The following PTPRD variants were observed in gnomAD, a reference collection of about 807,000 sequenced individuals.
PTPRD encodes the protein receptor-type tyrosine-protein phosphatase delta.
Under a neutral mutation model 214.5 loss-of-function variants are expected in PTPRD, and 34 were observed. The ratio of observed to expected loss-of-function variants is 0.16; its 90% confidence interval spans 0.12 to 0.21. The LOEUF (loss-of-function observed/expected upper bound fraction) is 0.21, where lower values mean the gene tolerates loss of function less well. Among genes scored for constraint, PTPRD ranks in the 10% least tolerant of loss-of-function variants. The probability of loss-of-function intolerance (pLI) is 1.00; values close to 1 mark genes in which losing one functional copy is unlikely to be tolerated. For missense variants in PTPRD, 2,545 were observed against 2,398.7 expected (o/e 1.06, Z -1.27); for synonymous variants, 1,128 against 845.7 (o/e 1.33, Z -5.79).
intron 9 of PTPRD, among the ~76,000 whole-genome samples, chr9:9,385,008 A>G (rs1306257150): frequency 1.3e-5 from 2 of 152,118 alleles, no homozygotes; most frequent in East Asian, 3.8e-4. Flanking sequence ...TGAAGTATTT[A>G]TATTTTTTCT....
intron 11 of PTPRD, among the ~76,000 whole-genome samples, chr9:8,742,150 G>T (rs755506288): frequency 6.6e-6 from 1 of 152,088 alleles, no homozygotes; most frequent in Non-Finnish European, 1.5e-5. Flanking sequence ...TGTCAGTCAA[G>T]CTTTAAAATT....
Position 10,161,939 on chromosome 9 carries a change from A to T in PTPRD, c.-544-128149T>A, listed in dbSNP as rs184532800. ...ACAAATGACCAAAAGTATATTTTTTAAAAAAATGCTTAACATCACTAATCA... is the reference window on the plus strand; with the variant it reads ...ACAAATGACCAAAAGTATATTTTTTTAAAAAATGCTTAACATCACTAATCA... On this transcript the variant is annotated intron_variant, in intron 3 of 45. Transcript: ENST00000381196. Among the ~76,000 whole-genome samples, 698 of 151,732 alleles carry T rather than the reference A, an allele frequency of 4.6e-3. 11 individuals carry two copies. Among genetic ancestry groups the T allele is most frequent in the African/African-American group, 0.016 (648 of 41,504 alleles).
At chr9:9,781,628 T>A (rs1265427889) in intron 5 of PTPRD, among the ~76,000 whole-genome samples, 1 of 152,130 alleles carries the variant, frequency 6.6e-6, no homozygotes, top group Non-Finnish European at 1.5e-5. Context: ...CAACAAGTGT[T>A]TCCTTTCCCT....
chr9:10,291,028 C>CTTT (rs546852022), intron 3 of PTPRD, among the ~76,000 whole-genome samples: 2 of 130,660 alleles, frequency 1.5e-5, no homozygotes, highest in Non-Finnish European at 1.7e-5. Flanking sequence ...AGAATCTACA[C>CTTT]TTTTTTTTTT....
At chr9:9,924,852 T>C (rs769004057) in intron 5 of PTPRD, among the ~76,000 whole-genome samples, 1 of 152,142 alleles carries the variant, frequency 6.6e-6, no homozygotes, top group Non-Finnish European at 1.5e-5. Flanking sequence ...TGAAATTTGT[T>C]GCTAGTAATG....
intron 3 of PTPRD, among the ~76,000 whole-genome samples, chr9:10,106,518 G>A (rs1376190102): frequency 6.6e-6 from 1 of 150,948 alleles, no homozygotes; most frequent in Non-Finnish European, 1.5e-5. Context: ...CTGTGAAAGT[G>A]ACGGACACAC....
At chr9:9,255,492 T>C (rs1594654155) in intron 9 of PTPRD, among the ~76,000 whole-genome samples, 1 of 152,054 alleles carries the variant, frequency 6.6e-6, no homozygotes, top group East Asian at 1.9e-4. Flanking sequence ...ACCATTCCAC[T>C]AATACTGAAA....
chr9:9,781,735 C>T (rs549083019), intron 5 of PTPRD, among the ~76,000 whole-genome samples: 181 of 152,064 alleles, frequency 1.2e-3, no homozygotes, highest in Non-Finnish European at 8.8e-4. Flanking sequence ...TTACACAATC[C>T]GATTTGCTAA....
intron 3 of PTPRD, among the ~76,000 whole-genome samples, chr9:10,315,327 C>T (rs747773939): frequency 1.1e-4 from 17 of 151,786 alleles, no homozygotes; most frequent in Admixed American, 6.6e-4. Context: ...TCTAAATCAT[C>T]AGCAGAATAA....
At chr9:9,660,051 T>C (rs1179478924) in intron 7 of PTPRD, among the ~76,000 whole-genome samples, 4 of 152,088 alleles carry the variant, frequency 2.6e-5, no homozygotes, top group African/African-American at 7.2e-5. Flanking sequence ...TAACATACTT[T>C]ATTTAAATTA....
At chr9:9,847,706 T>C (rs551634068) in intron 5 of PTPRD, among the ~76,000 whole-genome samples, 2 of 152,258 alleles carry the variant, frequency 1.3e-5, no homozygotes, top group South Asian at 4.1e-4. Context: ...GCTGTTGCTC[T>C]TGACCAGGAA....
Position 8,507,318 on chromosome 9 carries a change from C to T in PTPRD, c.1660G>A (p.Gly554Arg). 1.2e-6 allele frequency: 2 copies of T among 1,613,870 alleles called. No individual in the cohort carries two copies. Among genetic ancestry groups the T allele is most frequent in the Non-Finnish European group, 1.7e-6 (2 of 1,179,826 alleles). Residue 554 changes from glycine to arginine, a missense_variant, in exon 22 of 46, where the codon GGG (glycine) becomes AGG (arginine). Physicochemically the swap from Gly to Arg is moderately radical, Grantham distance 125. Transcript: ENST00000381196. ...IANYELVYKD[G>R]EHGEEQRITI... is the part of the protein sequence containing the mutation. The stretch of plus-strand genomic sequence containing the variant: ...AGTCTTACCTCCTCTCCATGCTCCC[C>T]ATCTTTGTAGACCAGTTCATAGTTG...
At chr9:9,255,616 T>C (rs751309422) in intron 9 of PTPRD, among the ~76,000 whole-genome samples, 9 of 152,040 alleles carry the variant, frequency 5.9e-5, no homozygotes, top group Non-Finnish European at 8.8e-5. Context: ...TCAGCACTTA[T>C]AGATGTACAA....
Position 9,762,641 on chromosome 9 carries a change from GGATT to G in PTPRD, c.-326+4165_-326+4168del, listed in dbSNP as rs546070611. ...CAAGTTCTTTGCTGCCTTATAAAAA[GGATT>G]GATTCTCTTCCAGTTTACACTGACA... is the stretch of plus-strand genomic sequence containing the variant. On this transcript the variant is annotated intron_variant, in intron 6 of 45. Coordinates refer to ENST00000381196, the MANE Select transcript of PTPRD (RefSeq NM_002839.4). 3.9e-5 allele frequency among the ~76,000 whole-genome samples: 6 copies of G among 152,254 alleles called. No homozygotes were observed. The South Asian group carries it at 1.2e-3, about 32-fold the overall frequency.
chr9:8,368,636 C>G (rs2080626167), intron 39 of PTPRD, among the ~76,000 whole-genome samples: 1 of 146,782 alleles, frequency 6.8e-6, no homozygotes, highest in Non-Finnish European at 1.5e-5. Flanking sequence ...GAGTTTTACA[C>G]TTTATACCTA....
chr9:10,336,862 G>T (rs943278921), intron 3 of PTPRD, among the ~76,000 whole-genome samples: 2 of 151,662 alleles, frequency 1.3e-5, no homozygotes, highest in East Asian at 2.0e-4. Context: ...AGCTTTGGAA[G>T]TTGGATTTAG....
intron 4 of PTPRD, among the ~76,000 whole-genome samples, chr9:9,947,481 TTTATATATA>T (rs2092837025): frequency 1.2e-4 from 3 of 24,392 alleles, no homozygotes; most frequent in African/African-American, 9.3e-4. Flanking sequence ...TTATATATAT[TTTATATATA>T]TTATATATAT....
In PTPRD at chr9:8,521,485, TCCG is replaced by T. The variant is rs2097888823; in HGVS notation, c.750_752del (p.Gly251del). 1 of 1,613,816 alleles carries T rather than the reference TCCG, an allele frequency of 6.2e-7. No homozygotes were observed. The highest frequency in any genetic ancestry group is 1.3e-5 in the African/African-American group (1 of 74,908). On this transcript the variant is annotated inframe_deletion, in exon 20 of 46. Coordinates refer to ENST00000381196, the MANE Select transcript of PTPRD (RefSeq NM_002839.4). ...CGGCCACACAGGTGATATTAACGCT[TCCG>T]CCTGGCATGATTTCATGATTAGTGG...
chr9:10,066,165 A>C (rs1379178048), intron 3 of PTPRD, among the ~76,000 whole-genome samples: 2 of 151,812 alleles, frequency 1.3e-5, no homozygotes, highest in African/African-American at 4.8e-5. Context: ...TTTTAAGGCA[A>C]CAATTTTGGC....
Sources: allele counts gnomAD v4.1 joint callset (sites outside exome capture counted in the v4.1 genomes callset), GRCh38; gene constraint gnomAD v4.1.1; transcripts MANE v1.5; gene names NCBI Gene and HGNC (gene_info 2026-07-23, HGNC 2026-07-21).